Variants in ACADL observed in about 807,000 individuals in gnomAD.
ACADL encodes the protein acyl-CoA dehydrogenase long chain, also known as long-chain specific acyl-CoA dehydrogenase, mitochondrial.
A neutral mutation model predicts 56.9 loss-of-function variants in ACADL; 60 were observed. The ratio of observed to expected loss-of-function variants is 1.05; its 90% CI spans 0.86 to 1.31. The LOEUF (loss-of-function observed/expected upper bound fraction) is 1.31, where lower values mean the gene tolerates loss of function less well. ACADL is among the 50% of genes most tolerant of loss of function. The pLI is 0.00. For missense variants in ACADL, 484 were observed against 525.5 expected, an observed-to-expected ratio of 0.92 and a Z score of 0.77; for synonymous variants, 158 against 179.7, an observed-to-expected ratio of 0.88 and a Z score of 0.97.
intron 1 of ACADL, chr2:210,224,569 C>T: frequency 7.1e-6 from 7 of 985,444 alleles, no homozygotes; most frequent in Non-Finnish European, 8.4e-6. Context: ...TACTTAGACT[C>T]TGTCTTCATT....
intron 8 of ACADL, among the ~76,000 whole-genome samples, chr2:210,196,986 A>G (rs1335072195): frequency 6.6e-6 from 1 of 152,202 alleles, no homozygotes; most frequent in Admixed American, 6.5e-5. Flanking sequence ...CTCAAGTTAT[A>G]AAACTGATTC....
intron 10 of ACADL, among the ~76,000 whole-genome samples, chr2:210,191,236 C>T (rs1575669824): frequency 6.6e-6 from 1 of 151,888 alleles, no homozygotes. Flanking sequence ...TGATATTAGG[C>T]GATATATGGG....
chr2:210,190,472 A>G (rs948580332), intron 10 of ACADL, among the ~76,000 whole-genome samples: 2 of 152,166 alleles, frequency 1.3e-5, no homozygotes, highest in Admixed American at 6.5e-5. Flanking sequence ...AGATTAGTAG[A>G]CCTTTTATAT....
At chr2:210,214,365 T>C (rs79464705) in intron 4 of ACADL, among the ~76,000 whole-genome samples, 1 of 152,046 alleles carries the variant, frequency 6.6e-6, no homozygotes, top group African/African-American at 2.4e-5. Context: ...CTGTGGCTTT[T>C]CTCTGTTCTT....
At chr2:210,214,987 A>G (rs1689061265) in intron 4 of ACADL, among the ~76,000 whole-genome samples, 1 of 152,246 alleles carries the variant, frequency 6.6e-6, no homozygotes, top group South Asian at 2.1e-4. Context: ...TAGAATATTA[A>G]GAGATTTAAA....
chr2:210,224,091 C>T (rs1689225189), intron 1 of ACADL, among the ~76,000 whole-genome samples: 1 of 151,688 alleles, frequency 6.6e-6, no homozygotes, highest in Non-Finnish European at 1.5e-5. Context: ...TGTGGTGGTG[C>T]GTGCCTGTAG....
chr2:210,211,168 C>T (rs1575678074), intron 4 of ACADL, among the ~76,000 whole-genome samples: 1 of 152,052 alleles, frequency 6.6e-6, no homozygotes, highest in African/African-American at 2.4e-5. Flanking sequence ...CATAACTATA[C>T]ATATATATGC....
chr2:210,206,851 A>G (rs1214459901), intron 5 of ACADL, among the ~76,000 whole-genome samples: 2 of 152,000 alleles, frequency 1.3e-5, no homozygotes, highest in Non-Finnish European at 2.9e-5. Context: ...TGGTGTGACC[A>G]TAGCTCTTTG....
chr2:210,225,342 G>A lies in ACADL; in HGVS notation c.-79C>T. 3 of 1,465,400 alleles carry A rather than the reference G, an allele frequency of 2.0e-6. No individual in the cohort carries two copies. In the South Asian group the frequency reaches 3.7e-5, roughly 18 times the overall value. 90.8% of individuals were successfully genotyped at this position (1,465,400 alleles called of 1,614,324 possible). A position where few individuals can be genotyped will look rare whatever the true frequency, so the allele number is the denominator to read the frequency against. Reference sequence around the variant, plus strand: ...GACTCGGGGCAGGGTCCCCGGGAGGGAGGACGATCAGCTGAGGCGTCCACC... The same window carrying A: ...GACTCGGGGCAGGGTCCCCGGGAGGAAGGACGATCAGCTGAGGCGTCCACC... On this transcript the variant is annotated 5_prime_UTR_variant, in exon 1 of 11. Coordinates refer to ENST00000233710, the MANE Select transcript of ACADL (RefSeq NM_001608.4).
intron 8 of ACADL, 134 bp from the exon 9 acceptor site, chr2:210,195,472 C>A: frequency 1.0e-6 from 1 of 967,734 alleles, no homozygotes; most frequent in Admixed American, 2.2e-5. Context: ...TTTTTTCCTC[C>A]ATAAAAATGG....
chr2:210,215,664 C>T (rs570906423), intron 4 of ACADL, among the ~76,000 whole-genome samples: 1 of 152,136 alleles, frequency 6.6e-6, no homozygotes, highest in African/African-American at 2.4e-5. Context: ...AGTTTAAATA[C>T]AACCACTTTT....
intron 1 of ACADL, among the ~76,000 whole-genome samples, chr2:210,222,507 A>AC (rs1491515726): frequency 7.0e-6 from 1 of 142,164 alleles, no homozygotes; most frequent in Non-Finnish European, 1.5e-5. Context: ...AAACAAACAA[A>AC]CAAAAAAAAA....
At chr2:210,203,242 G>T in intron 8 of ACADL, 89 bp downstream of exon 8, 1 of 872,664 alleles carries the variant, frequency 1.1e-6, no homozygotes. Flanking sequence ...CACCTTACAT[G>T]AAAATAACTC....
intron 8 of ACADL, among the ~76,000 whole-genome samples, chr2:210,198,562 G>A (rs565899540): frequency 6.6e-6 from 1 of 152,184 alleles, no homozygotes; most frequent in African/African-American, 2.4e-5. Flanking sequence ...CCCACTGAGT[G>A]AAGGAAATAG....
At chr2:210,189,507 A>G (rs1167842470) in intron 10 of ACADL, among the ~76,000 whole-genome samples, 2 of 152,332 alleles carry the variant, frequency 1.3e-5, no homozygotes, top group East Asian at 1.9e-4. Context: ...CACAACCACT[A>G]TCACTATCAG....
chr2:210,194,913 A>G (rs945279527), intron 9 of ACADL, among the ~76,000 whole-genome samples: 3 of 152,154 alleles, frequency 2.0e-5, no homozygotes, highest in Non-Finnish European at 2.9e-5. Flanking sequence ...CATCCTATCA[A>G]TATCACTCTT....
chr2:210,220,148 A>G (rs896428949), intron 2 of ACADL, among the ~76,000 whole-genome samples: 1 of 152,192 alleles, frequency 6.6e-6, no homozygotes, highest in Non-Finnish European at 1.5e-5. Flanking sequence ...TACTAAATTG[A>G]GGAGCATCTG....
At position 210,225,371 on chromosome 2, in the gene ACADL, G is replaced by T; in HGVS notation, c.-108C>A. ...ACGATCAGCTGAGGCGTCCACCTGT[G>T]GTGTCCTCCCAAAAAAGCGCTCGCG... On this transcript the variant is annotated 5_prime_UTR_variant, in exon 1 of 11. Transcript: ENST00000233710. The T allele has an allele frequency of 7.7e-7, 1 of 1,297,032 alleles. No homozygotes were observed. The highest frequency in any genetic ancestry group is 1.0e-6 in the Non-Finnish European group (1 of 957,254). 80.3% of individuals were successfully genotyped at this position (1,297,032 alleles called of 1,614,324 possible). A position where few individuals can be genotyped will look rare whatever the true frequency, so the allele number is the denominator to read the frequency against.
In ACADL at chr2:210,195,304, T is replaced by C. The variant is rs984319923; in HGVS notation, c.1019A>G (p.His340Arg). 5.6e-6 allele frequency: 9 copies of C among 1,613,406 alleles called. No homozygotes were observed. In the African/African-American group the frequency reaches 1.2e-4, roughly 22 times the overall value. ...CACAAATGCTCGGGTTACACATATA[T>C]GTGTTTTTAATTCTGCTAATTTATG... ...VQHKLAELKT[H>R]ICVTRAFVDN... Residue 340 changes from histidine (H) to arginine (R), a missense_variant, in exon 9 of 11, where the codon CAT (histidine) becomes CGT (arginine). By Grantham distance (29) the His-to-Arg change is conservative. Transcript: ENST00000233710.
Sources: gnomAD v4.1 joint callset for allele counts (sites outside exome capture counted in the v4.1 genomes callset) on GRCh38, gnomAD v4.1.1 for gene constraint, MANE v1.5 for transcripts, NCBI Gene and HGNC (gene_info 2026-07-23, HGNC 2026-07-21) for gene names.